The following PLCH2 variants were observed in gnomAD, a reference collection of about 807,000 sequenced individuals.
PLCH2 encodes 1-phosphatidylinositol 4,5-bisphosphate phosphodiesterase eta-2.
In PLCH2, 98 loss-of-function variants were observed where a neutral mutation model predicts 134.7. That is an observed-to-expected ratio of 0.73 (90% confidence interval 0.62 to 0.86). The LOEUF (loss-of-function observed/expected upper bound fraction) is 0.86. Among genes scored for constraint, PLCH2 ranks in the 40% least tolerant of loss-of-function variants. PLCH2 has a pLI of 0.00. For missense variants in PLCH2, 1,994 were observed against 1,986.6 expected (o/e 1.00, Z -0.07); for synonymous variants, 974 against 827.5 (o/e 1.18, Z -3.04).
chr1:2,482,327 T>C (rs1438183743), intron 4 of PLCH2, among the ~76,000 whole-genome samples: 1 of 152,162 alleles, frequency 6.6e-6, no homozygotes, highest in Non-Finnish European at 1.5e-5. Flanking sequence ...CTTTGTCCCA[T>C]GGCCCCTGGG....
Position 2,487,325 on chromosome 1 carries a change from C to T in PLCH2, c.1063C>T (p.Arg355Trp), listed in dbSNP as rs556610717. Residue 355 changes from arginine (R) to tryptophan (W), a missense_variant, in exon 7 of 22, where the codon CGG (arginine) becomes TGG (tryptophan). Physicochemically the swap from Arg to Trp is moderately radical, Grantham distance 101 (BLOSUM62 -3). Around this residue, in one of 2 missense-constraint regions of PLCH2, gnomAD observed 1,094 missense variants for 1,234.3 expected, o/e 0.89. Coordinates refer to ENST00000378486, the MANE Select transcript of PLCH2 (RefSeq NM_014638.4). ...LVGDQLMSQS[R>W]VDMYAWVLQA... ...GGGTGACCAGCTCATGTCCCAGTCA[C>T]GGGTGGACATGTATGCTTGGGTCCT... 22 of 1,613,798 alleles carry T rather than the reference C, an allele frequency of 1.4e-5. No individual in the cohort carries two copies. Among genetic ancestry groups the T allele is most frequent in the Non-Finnish European group, 1.8e-5 (21 of 1,179,924 alleles).
chr1:2,446,408 G>C (rs1639944065), intron 2 of PLCH2, among the ~76,000 whole-genome samples: 1 of 152,180 alleles, frequency 6.6e-6, no homozygotes, highest in African/African-American at 2.4e-5. Flanking sequence ...CGGGGCTGGG[G>C]GTGGGGTGGC....
intron 2 of PLCH2, among the ~76,000 whole-genome samples, chr1:2,436,591 C>T (rs948419226): frequency 2.0e-5 from 3 of 151,004 alleles, no homozygotes; most frequent in African/African-American, 7.3e-5. Context: ...CTCCCTCCTC[C>T]CTTCCTCCCT....
chr1:2,434,207 C>T (rs1006427366), intron 2 of PLCH2, among the ~76,000 whole-genome samples: 5 of 152,198 alleles, frequency 3.3e-5, no homozygotes, highest in Admixed American at 2.0e-4. Flanking sequence ...TGCCAGGGGC[C>T]GGCGGGGGCC....
chr1:2,495,929 T>C (rs3762443), intron 13 of PLCH2, among the ~76,000 whole-genome samples: 46,332 of 152,062 alleles, frequency 0.3, 8,064 homozygotes, highest in African/African-American at 0.46. Context: ...CCTCTTCCCG[T>C]CCAGTCAGGC....
chr1:2,487,400 G>A (rs1012476199), intron 7 of PLCH2, 24 bp downstream of exon 7: 4 of 1,598,444 alleles, frequency 2.5e-6, no homozygotes, highest in East Asian at 4.5e-5. Context: ...CTTGGGTGAC[G>A]GCCGTGGGCT....
At chr1:2,436,472 T>C (rs1463534945) in intron 2 of PLCH2, among the ~76,000 whole-genome samples, 1 of 45,848 alleles carries the variant, frequency 2.2e-5, no homozygotes, top group African/African-American at 1.7e-4. Flanking sequence ...CCTTTCCTCC[T>C]TCCTCCCTCC....
At chr1:2,502,498 C>A (rs557309783) in intron 21 of PLCH2, 89 bp downstream of exon 21, 4 of 1,287,798 alleles carry the variant, frequency 3.1e-6, no homozygotes, top group Non-Finnish European at 4.4e-6. Flanking sequence ...CTGGGATGGC[C>A]GCCACATGCA....
chr1:2,476,794 G>T, intron 1 of PLCH2, 82 bp downstream of exon 1: 1 of 1,408,946 alleles, frequency 7.1e-7, no homozygotes, highest in Non-Finnish European at 9.4e-7. Context: ...TCCTGGAGGT[G>T]GGGGAAGCCT....
chr1:2,449,809 T>G (rs1640109301), intron 2 of PLCH2, among the ~76,000 whole-genome samples: 1 of 152,238 alleles, frequency 6.6e-6, no homozygotes, highest in Non-Finnish European at 1.5e-5. Flanking sequence ...TAGCCACCTC[T>G]CAGGGACAGT....
At chr1:2,502,638 TG>T in intron 21 of PLCH2, 1 of 680,180 alleles carries the variant, frequency 1.5e-6, no homozygotes, top group South Asian at 1.6e-5. Flanking sequence ...GCTGACTCAC[TG>T]GGGGCCCCCT....
At chr1:2,478,380 T>C in intron 1 of PLCH2, 96 bp from the exon 2 acceptor site, 1 of 1,459,942 alleles carries the variant, frequency 6.8e-7, no homozygotes, top group South Asian at 1.2e-5. Context: ...GCCGTGTTTC[T>C]CCCGTGAGGA....
rs1639766211 is a variant in PLCH2, at chr1:2,443,190, C to T, written c.115+12561C>T. On this transcript the variant is annotated intron_variant, in intron 2 of 3. Coordinates refer to the PLCH2 transcript ENST00000609981. ...CCGATGGGAGCTAAGGGTGCCCTGCCACCCTCTTGGGGCTGGGCCGTACCC... is the reference window on the plus strand; with the variant it reads ...CCGATGGGAGCTAAGGGTGCCCTGCTACCCTCTTGGGGCTGGGCCGTACCC... Among the ~76,000 whole-genome samples the T allele has an allele frequency of 2.0e-5, 3 of 152,212 alleles. No homozygotes were observed. The South Asian group carries it at 6.2e-4, about 32-fold the overall frequency.
intron 2 of PLCH2, among the ~76,000 whole-genome samples, chr1:2,441,715 G>A (rs1639700314): frequency 1.3e-5 from 2 of 152,128 alleles, no homozygotes; most frequent in African/African-American, 4.8e-5. Flanking sequence ...TGGAGTCTGG[G>A]AGTCCCGTGG....
chr1:2,469,428 G>A (rs1195732331), intron 1 of PLCH2, among the ~76,000 whole-genome samples: 1 of 152,242 alleles, frequency 6.6e-6, no homozygotes, highest in African/African-American at 2.4e-5. Context: ...ACGTGCCGCC[G>A]AGGACGGAGC....
intron 21 of PLCH2, 27 bp downstream of exon 21, chr1:2,502,436 A>AAGAG: frequency 6.5e-7 from 1 of 1,543,386 alleles, no homozygotes; most frequent in Middle Eastern, 1.7e-4. Context: ...GGTGGCAGAG[A>AAGAG]AGAGCCCTGT....
chr1:2,505,230 C>A lies in PLCH2; in HGVS notation c.*17C>A. 6.4e-7 allele frequency: 1 copy of A among 1,553,186 alleles called. No homozygotes were observed. Among genetic ancestry groups the A allele is most frequent in the Non-Finnish European group, 8.6e-7 (1 of 1,157,494 alleles). On this transcript the variant is annotated 3_prime_UTR_variant, in exon 22 of 22. Coordinates refer to ENST00000378486, the MANE Select transcript of PLCH2 (RefSeq NM_014638.4). ...CGCCTCTGACCGTCAGTGGTGGGAA[C>A]CTGGGCGGCTCTGGAGGCCCAGGGC...
At chr1:2,435,202 G>A (rs1397659205) in intron 2 of PLCH2, among the ~76,000 whole-genome samples, 1 of 152,182 alleles carries the variant, frequency 6.6e-6, no homozygotes, top group African/African-American at 2.4e-5. Flanking sequence ...TGGTCCCGGG[G>A]GTGAGGACCT....
At chr1:2,473,159 G>A (rs777832918), upstream of PLCH2, among the ~76,000 whole-genome samples, 3 of 152,308 alleles carry the variant, frequency 2.0e-5, no homozygotes, top group Non-Finnish European at 2.9e-5. Flanking sequence ...CCACCCGCCC[G>A]GTTCCAGCCT....
Sources: gnomAD v4.1 joint callset for allele counts (sites outside exome capture counted in the v4.1 genomes callset) on GRCh38, gnomAD v4.1.1 for gene constraint, gnomAD v4.1.1 regional missense constraint, MANE v1.5 for transcripts, NCBI Gene and HGNC (gene_info 2026-07-23, HGNC 2026-07-21) for gene names.